Variants in RNPS1 observed in about 807,000 individuals in gnomAD.
RNPS1 encodes RNA-binding protein with serine-rich domain 1.
For missense variants in RNPS1, 300 were observed against 427.6 expected (o/e 0.70, Z 2.63); for synonymous variants, 147 against 150.0 (o/e 0.98, Z 0.15).
intron 6 of RNPS1, among the ~76,000 whole-genome samples, chr16:2,260,731 C>T (rs1453782267): frequency 6.6e-6 from 1 of 152,316 alleles, no homozygotes; most frequent in South Asian, 2.1e-4. Flanking sequence ...ATGGTTCTTG[C>T]TCCACTGTAT....
Position 2,262,722 on chromosome 16 carries a change from G to A in RNPS1, c.522+18C>T, listed in dbSNP as rs778496492. The A allele has an allele frequency of 5.6e-6, 9 of 1,603,666 alleles. No homozygotes were observed. The highest frequency in any genetic ancestry group is 6.0e-6 in the Non-Finnish European group (7 of 1,172,176). ...TGTCCACACCCCACTGCCCACAGGA[G>A]AGATCCATGATCCTCACCTTTGTCA... On this transcript the variant is annotated intron_variant, in intron 5 of 7. Coordinates refer to ENST00000320225, the MANE Select transcript of RNPS1 (RefSeq NM_080594.4).
chr16:2,263,894 C>CTTT (rs763102791), intron 3 of RNPS1: 2,284 of 207,366 alleles, frequency 0.011, 48 homozygotes, highest in Admixed American at 0.016. Flanking sequence ...ACAAATTACT[C>CTTT]TTTTTTTTTT....
In RNPS1 at chr16:2,254,029, G is replaced by A. The variant is rs1391192958; in HGVS notation, c.853C>T (p.Arg285Trp). Residue 285 changes from arginine (R) to tryptophan (W), a missense_variant, in exon 8 of 8, where the codon CGG becomes TGG. By Grantham distance (101) the Arg-to-Trp change is moderately radical (BLOSUM62 -3). Transcript: ENST00000320225. ...RSPRRRSPVRRRSRSPGRRRH... is the reference protein window; with the variant it reads ...RSPRRRSPVRWRSRSPGRRRH... ...CGGCGGCCCGGGGACCGTGATCTCC[G>A]GCGCACGGGGGACCTGCGCCTCGGG... The A allele has an allele frequency of 1.3e-6, 2 of 1,509,814 alleles. No individual in the cohort carries two copies. Among genetic ancestry groups the A allele is most frequent in the Non-Finnish European group, 1.8e-6 (2 of 1,126,202 alleles). 93.5% of individuals were successfully genotyped at this position (1,509,814 alleles called of 1,614,324 possible).
chr16:2,261,188 T>C (rs2093601772), intron 6 of RNPS1, among the ~76,000 whole-genome samples: 1 of 152,208 alleles, frequency 6.6e-6, no homozygotes, highest in African/African-American at 2.4e-5. Context: ...TTCTCAATTT[T>C]TTCCTTTTTT....
Position 2,262,315 on chromosome 16 carries a change from T to C in RNPS1, c.639A>G (p.Pro213=), listed in dbSNP as rs1199790579. The change falls in exon 6 of 8, where the codon CCA becomes CCG. Residue 213 remains proline, a synonymous_variant. Coordinates refer to ENST00000320225, the MANE Select transcript of RNPS1 (RefSeq NM_080594.4). Reference sequence around the variant, plus strand: ...GCTTCAGCGCCTTCTCGGCTTCATCTGGATTCTCAAACTCTACGTACGCAT... The same window carrying C: ...GCTTCAGCGCCTTCTCGGCTTCATCCGGATTCTCAAACTCTACGTACGCAT... ...KGYAYVEFEN[P]DEAEKALKHM... The C allele has an allele frequency of 1.9e-6, 3 of 1,613,714 alleles. No homozygotes were observed. Among genetic ancestry groups the C allele is most frequent in the Admixed American group, 3.3e-5 (2 of 60,006 alleles).
intron 7 of RNPS1, among the ~76,000 whole-genome samples, chr16:2,254,460 A>ATTTTG (rs1212716731): frequency 6.6e-6 from 1 of 151,848 alleles, no homozygotes; most frequent in African/African-American, 2.4e-5. Context: ...CGCACAGCTA[A>ATTTTG]TTTTGTTTTG....
intron 7 of RNPS1, 130 bp from the exon 8 acceptor site, chr16:2,254,193 T>C (rs1446732469): frequency 4.7e-6 from 3 of 639,330 alleles, no homozygotes; most frequent in African/African-American, 1.9e-5. Flanking sequence ...CAGAGTGCAG[T>C]GGCACGATCT....
At chr16:2,264,058 C>A in intron 3 of RNPS1, 118 bp downstream of exon 3, 1 of 1,271,958 alleles carries the variant, frequency 7.9e-7, no homozygotes, top group Non-Finnish European at 1.1e-6. Flanking sequence ...AGGGTCTCTA[C>A]TAACAATCAG....
chr16:2,263,891 A>ACC (rs2093613643), intron 3 of RNPS1: 1 of 352,662 alleles, frequency 2.8e-6, no homozygotes, highest in East Asian at 6.0e-5. Context: ...TTTACAAATT[A>ACC]CTCTTTTTTT....
chr16:2,255,267 C>T (rs1295611244), intron 7 of RNPS1, among the ~76,000 whole-genome samples: 2 of 152,236 alleles, frequency 1.3e-5, no homozygotes, highest in Admixed American at 1.3e-4. Flanking sequence ...ACTTCTCCCT[C>T]TCCTAGCTCT....
rs984124991 is a variant in RNPS1, at chr16:2,266,268, G to A, written c.-117-1508C>T. 8.1e-6 allele frequency: 8 copies of A among 985,318 alleles called. No individual in the cohort carries two copies. In the African/African-American group the frequency reaches 1.0e-4, roughly 13 times the overall value. The allele number at this position is 985,318 out of a possible 1,614,324, so 61.0% of individuals were successfully genotyped here. On this transcript the variant is annotated intron_variant, in intron 1 of 7. Coordinates refer to ENST00000320225, the MANE Select transcript of RNPS1 (RefSeq NM_080594.4). The stretch of plus-strand genomic sequence containing the variant: ...CTTTGAACAGTCAAATGAGAGCCAA[G>A]GAGGGCCGAACGCCACCTTTGCTGC...
Position 2,254,039 on chromosome 16 carries a change from G to GGAC in RNPS1, c.840_842dup (p.Ser281dup), listed in dbSNP as rs1488237772. The GGAC allele has an allele frequency of 6.7e-7, 1 of 1,499,998 alleles. No individual in the cohort carries two copies. The highest frequency in any genetic ancestry group is 1.4e-5 in the African/African-American group (1 of 71,228). 92.9% of individuals were successfully genotyped at this position (1,499,998 alleles called of 1,614,324 possible). A position where few individuals can be genotyped will look rare whatever the true frequency, so the allele number is the denominator to read the frequency against. On this transcript the variant is annotated inframe_insertion, in exon 8 of 8. Transcript: ENST00000320225. ...GGGACCGTGATCTCCGGCGCACGGG[G>GGAC]GACCTGCGCCTCGGGGAGCGGGACC...
chr16:2,261,547 G>A (rs2093603061), intron 6 of RNPS1, among the ~76,000 whole-genome samples: 1 of 152,198 alleles, frequency 6.6e-6, no homozygotes, highest in African/African-American at 2.4e-5. Context: ...ATTGACAGTG[G>A]GGATTGTGGC....
intron 3 of RNPS1, 147 bp from the exon 4 acceptor site, chr16:2,263,434 AC>A: frequency 1.4e-5 from 10 of 731,884 alleles, no homozygotes; most frequent in South Asian, 5.5e-5. Flanking sequence ...GGAAAACATC[AC>A]CCCCCAATCC....
At chr16:2,256,076 G>T in intron 6 of RNPS1, 1 of 267,806 alleles carries the variant, frequency 3.7e-6, no homozygotes, top group Non-Finnish European at 7.2e-6. Flanking sequence ...AGTAAGCAGA[G>T]ATCGTGCCAC....
chr16:2,259,596 G>A (rs1488147202), intron 6 of RNPS1, among the ~76,000 whole-genome samples: 1 of 152,160 alleles, frequency 6.6e-6, no homozygotes, highest in African/African-American at 2.4e-5. Flanking sequence ...GACTCTTAAA[G>A]AGCTAAAATA....
intron 1 of RNPS1, 67 bp downstream of exon 1, chr16:2,267,988 G>C: frequency 2.6e-6 from 4 of 1,533,416 alleles, no homozygotes; most frequent in Non-Finnish European, 3.5e-6. Flanking sequence ...GGCTTCACGA[G>C]GCGTCCTGCC....
Position 2,253,748 on chromosome 16 carries a change from C to A in RNPS1, c.*216G>T. ...AACCGGAAACGGATGAGCTTTCTAG[C>A]CAGAAAACCGGAGGGAATCTTGACA... On this transcript the variant is annotated 3_prime_UTR_variant, in exon 8 of 8. Coordinates refer to ENST00000320225, the MANE Select transcript of RNPS1 (RefSeq NM_080594.4). 1.5e-6 allele frequency: 1 copy of A among 666,348 alleles called. No individual in the cohort carries two copies. Among genetic ancestry groups the A allele is most frequent in the Non-Finnish European group, 2.7e-6 (1 of 366,742 alleles). The allele number at this position is 666,348 out of a possible 1,614,324, so 41.3% of individuals were successfully genotyped here.
intron 1 of RNPS1, chr16:2,267,393 A>C (rs2093629119): frequency 2.0e-6 from 2 of 984,208 alleles, no homozygotes; most frequent in Admixed American, 6.1e-5. Flanking sequence ...CTCCTCCAAC[A>C]AACTTAACCT....
Sources: gnomAD v4.1 joint callset for allele counts (sites outside exome capture counted in the v4.1 genomes callset) on GRCh38, gnomAD v4.1.1 for gene constraint, MANE v1.5 for transcripts, NCBI Gene and HGNC (gene_info 2026-07-23, HGNC 2026-07-21) for gene names.